ZNF536: variants seen among roughly 807,000 people sequenced by gnomAD.
The protein encoded by ZNF536 is zinc finger protein 536.
ZNF536 carries 13 observed loss-of-function variants against 84.5 expected under a neutral mutation model. The observed-to-expected ratio is 0.15, with a 90% CI of 0.10 to 0.24. ZNF536 has a LOEUF of 0.24. ZNF536 is among the 10% of genes least tolerant of loss of function. ZNF536 has a pLI of 1.00. For missense variants in ZNF536, 1,536 were observed against 1,747.5 expected, an observed-to-expected ratio of 0.88 and a Z score of 2.16; for synonymous variants, 811 against 742.5, an observed-to-expected ratio of 1.09 and a Z score of -1.50.
chr19:30,505,403 T>C (rs1408558171), intron 2 of ZNF536, among the ~76,000 whole-genome samples: 1 of 147,874 alleles, frequency 6.8e-6, no homozygotes, highest in Non-Finnish European at 1.5e-5. Context: ...ATAAGATATA[T>C]TAAGATATGA....
chr19:30,591,409 A>G (rs185310911), intron 1 of ZNF536, among the ~76,000 whole-genome samples: 2,691 of 152,326 alleles, frequency 0.018, 21 homozygotes, highest in Non-Finnish European at 0.025. Context: ...CAGAAGGCAA[A>G]GGAGAAGCAA....
At chr19:30,622,996 G>T (rs1253437302) in intron 1 of ZNF536, among the ~76,000 whole-genome samples, 6 of 143,168 alleles carry the variant, frequency 4.2e-5, no homozygotes, top group East Asian at 4.0e-4. Flanking sequence ...TGTCCTTCTG[G>T]TTTTTTCCAG....
chr19:30,456,852 G>C (rs1469127528), intron 2 of ZNF536, among the ~76,000 whole-genome samples: 2 of 151,944 alleles, frequency 1.3e-5, no homozygotes, highest in African/African-American at 4.8e-5. Context: ...GACCAGCCTG[G>C]CCAACGTGGC....
At chr19:30,688,370 T>C (rs551884714) in intron 1 of ZNF536, among the ~76,000 whole-genome samples, 4 of 152,294 alleles carry the variant, frequency 2.6e-5, no homozygotes, top group African/African-American at 9.6e-5. Context: ...CAAGGGACTT[T>C]TGTAAATGTC....
Position 30,444,401 on chromosome 19 carries a change from A to G in ZNF536, c.839A>G (p.Lys280Arg). The G allele has an allele frequency of 1.2e-6, 2 of 1,607,392 alleles. No individual in the cohort carries two copies. ...GCGGGCTTCCGCTGTACCTTCTGCA[A>G]GGGCAAGTTCAAGAAGCGCGAGGAG... is the stretch of plus-strand genomic sequence containing the variant. ...PAAGFRCTFC[K>R]GKFKKREELD... The change falls in exon 2 of 5, where the codon AAG (lysine) becomes AGG (arginine). Residue 280 changes from lysine (K) to arginine (R), a missense_variant. Coordinates refer to ENST00000355537, the MANE Select transcript of ZNF536 (RefSeq NM_014717.3).
intron 1 of ZNF536, among the ~76,000 whole-genome samples, chr19:30,417,996 C>T (rs969053527): frequency 3.3e-5 from 5 of 152,092 alleles, no homozygotes; most frequent in African/African-American, 1.2e-4. Flanking sequence ...CAATCCTCCC[C>T]GCTTGGCCTT....
At chr19:30,392,557 C>A (rs1283833006) in intron 1 of ZNF536, among the ~76,000 whole-genome samples, 1 of 152,220 alleles carries the variant, frequency 6.6e-6, no homozygotes, top group East Asian at 1.9e-4. Context: ...GAGCCTGAGA[C>A]ATGGCATTTT....
intron 1 of ZNF536, among the ~76,000 whole-genome samples, chr19:30,391,392 C>A (rs2049582502): frequency 6.6e-6 from 1 of 152,182 alleles, no homozygotes. Flanking sequence ...GTCTGACCAA[C>A]ATCGTGAAAC....
intron 4 of ZNF536, chr19:30,555,255 A>G (rs2045923906): frequency 6.6e-6 from 1 of 152,186 alleles, no homozygotes; most frequent in South Asian, 2.1e-4. Flanking sequence ...AAGAGCTTGG[A>G]TCAGTGCTTC....
chr19:30,402,779 AT>A (rs1274852379), intron 1 of ZNF536, among the ~76,000 whole-genome samples: 2 of 134,132 alleles, frequency 1.5e-5, no homozygotes, highest in Non-Finnish European at 3.1e-5. Flanking sequence ...CTTTTTAAAC[AT>A]TTTTTAAAAT....
intron 1 of ZNF536, among the ~76,000 whole-genome samples, chr19:30,668,924 G>T (rs1306264320): frequency 1.3e-5 from 2 of 152,226 alleles, no homozygotes; most frequent in East Asian, 1.9e-4. Flanking sequence ...AGAAGAAGGA[G>T]CCAGAGGTTT....
intron 2 of ZNF536, among the ~76,000 whole-genome samples, chr19:30,464,491 T>C (rs1257618487): frequency 6.6e-6 from 1 of 151,960 alleles, no homozygotes; most frequent in African/African-American, 2.4e-5. Context: ...AGAACAAATT[T>C]CAAGAATAAG....
At chr19:30,409,966 A>ATT (rs879926799) in intron 1 of ZNF536, among the ~76,000 whole-genome samples, 73 of 148,480 alleles carry the variant, frequency 4.9e-4, no homozygotes, top group African/African-American at 1.7e-3. Context: ...GGGTATTTGA[A>ATT]TTTTTTTTTT....
At chr19:30,277,701 C>T (rs1396533781) in intron 1 of ZNF536, among the ~76,000 whole-genome samples, 1 of 152,240 alleles carries the variant, frequency 6.6e-6, no homozygotes, top group East Asian at 1.9e-4. Flanking sequence ...GTGCTACCGC[C>T]TGTGTGCGGA....
At chr19:30,470,223 C>T (rs1008601682) in intron 2 of ZNF536, among the ~76,000 whole-genome samples, 6 of 152,138 alleles carry the variant, frequency 3.9e-5, no homozygotes, top group African/African-American at 1.4e-4. Context: ...GGAAGGGAGG[C>T]TTAGAATAAA....
intron 2 of ZNF536, among the ~76,000 whole-genome samples, chr19:30,472,007 T>G (rs891964361): frequency 2.0e-5 from 3 of 152,208 alleles, no homozygotes; most frequent in Admixed American, 2.0e-4. Flanking sequence ...GGGGGACACC[T>G]GGCCTTGACC....
chr19:30,225,687 T>TGGG (rs56684430), upstream of ZNF536, among the ~76,000 whole-genome samples: 1,946 of 84,014 alleles, frequency 0.023, 61 homozygotes, highest in African/African-American at 0.069. Context: ...AAAACAAAGG[T>TGGG]GGGGGGGGGA....
At chr19:30,608,040 T>C (rs1369682591) in intron 1 of ZNF536, among the ~76,000 whole-genome samples, 1 of 152,242 alleles carries the variant, frequency 6.6e-6, no homozygotes, top group African/African-American at 2.4e-5. Context: ...GAGATTTTGT[T>C]ATTTCATGCA....
At chr19:30,295,829 C>T (rs2045979348) in intron 2 of ZNF536, among the ~76,000 whole-genome samples, 1 of 152,230 alleles carries the variant, frequency 6.6e-6, no homozygotes, top group African/African-American at 2.4e-5. Flanking sequence ...AATTGAGGGG[C>T]AAAGCAGGCA....
Sources: allele counts gnomAD v4.1 joint callset (sites outside exome capture counted in the v4.1 genomes callset), GRCh38; gene constraint gnomAD v4.1.1; transcripts MANE v1.5; gene names NCBI Gene and HGNC (gene_info 2026-07-23, HGNC 2026-07-21).